Variants in PTPRM observed in about 807,000 individuals in gnomAD.
PTPRM encodes protein tyrosine phosphatase receptor type M.
A neutral mutation model predicts 186.7 loss-of-function variants in PTPRM; 47 were observed. The ratio of observed to expected loss-of-function variants is 0.25; its 90% CI spans 0.20 to 0.32. PTPRM has a LOEUF of 0.32. Ranked by LOEUF, PTPRM falls within the 10% of genes least tolerant of loss-of-function variation. The probability of loss-of-function intolerance (pLI) is 1.00; values close to 1 mark genes in which losing one functional copy is unlikely to be tolerated. For synonymous variants in PTPRM, 668 were observed against 674.9 expected (o/e 0.99, Z 0.16); for missense variants, 1,494 against 1,865.0 (o/e 0.80, Z 3.66).
intron 25 of PTPRM, 115 bp from the exon 26 acceptor site, chr18:8,376,347 C>A: frequency 6.4e-7 from 1 of 1,554,842 alleles, no homozygotes; most frequent in Non-Finnish European, 8.8e-7. Flanking sequence ...TGGAGTGTAC[C>A]TTTTAAGAGG....
intron 7 of PTPRM, among the ~76,000 whole-genome samples, chr18:8,011,980 A>G (rs766608258): frequency 1.6e-4 from 25 of 152,332 alleles, no homozygotes; most frequent in Admixed American, 1.3e-3. Context: ...TCCTTCTCAT[A>G]GTTCATCCCT....
Position 8,264,491 on chromosome 18 carries a change from C to T in PTPRM, c.2754+11077C>T, listed in dbSNP as rs1413198038. 3.3e-5 allele frequency among the ~76,000 whole-genome samples: 5 copies of T among 152,210 alleles called. No homozygotes were observed. The East Asian group carries it at 9.7e-4, about 29-fold the overall frequency. ...GGCACTGTACAAAGAACACACCAGG[C>T]CGGGCGTGGTGGCTCACTCCTGTAA... On this transcript the variant is annotated intron_variant, in intron 19 of 32. Coordinates refer to ENST00000580170, the MANE Select transcript of PTPRM (RefSeq NM_001105244.2).
chr18:7,963,328 T>G (rs114448321), intron 7 of PTPRM, among the ~76,000 whole-genome samples: 1 of 152,222 alleles, frequency 6.6e-6, no homozygotes, highest in African/African-American at 2.4e-5. Flanking sequence ...TTCAGCACTT[T>G]CCCTGTGCTT....
chr18:8,218,364 A>C (rs561207821), intron 14 of PTPRM, among the ~76,000 whole-genome samples: 1 of 146,264 alleles, frequency 6.8e-6, no homozygotes, highest in Admixed American at 6.8e-5. Flanking sequence ...ACAAATTTAG[A>C]AGAACGGTTA....
intron 7 of PTPRM, among the ~76,000 whole-genome samples, chr18:8,056,726 A>C (rs2148318669): frequency 6.7e-6 from 1 of 150,356 alleles, no homozygotes; most frequent in South Asian, 2.1e-4. Flanking sequence ...ATAGGCCCAT[A>C]GCCTTGAAAT....
chr18:7,790,972 A>G (rs1462050356), intron 2 of PTPRM, among the ~76,000 whole-genome samples: 2 of 151,990 alleles, frequency 1.3e-5, no homozygotes, highest in East Asian at 3.9e-4. Flanking sequence ...ACAAATTGTG[A>G]TAAAAGGCAT....
chr18:7,716,599 A>G (rs1395572570), intron 1 of PTPRM, among the ~76,000 whole-genome samples: 4 of 152,238 alleles, frequency 2.6e-5, no homozygotes, highest in Non-Finnish European at 4.4e-5. Flanking sequence ...ACAAAGGGCT[A>G]ATATCTAGAA....
At chr18:7,692,770 C>T (rs968733058) in intron 1 of PTPRM, among the ~76,000 whole-genome samples, 2 of 152,164 alleles carry the variant, frequency 1.3e-5, no homozygotes, top group Non-Finnish European at 2.9e-5. Context: ...ACCTCGTGTC[C>T]ACCACAATGT....
At chr18:8,235,868 A>G (rs901735131) in intron 14 of PTPRM, among the ~76,000 whole-genome samples, 3 of 152,040 alleles carry the variant, frequency 2.0e-5, no homozygotes, top group African/African-American at 2.4e-5. Context: ...TCTTCCAAGT[A>G]TTAGGGATTT....
chr18:7,939,466 A>T (rs796979938), intron 5 of PTPRM, among the ~76,000 whole-genome samples: 3 of 152,322 alleles, frequency 2.0e-5, no homozygotes, highest in Admixed American at 6.5e-5. Context: ...GAAGTCCTAG[A>T]GTTAGTCCAT....
intron 2 of PTPRM, among the ~76,000 whole-genome samples, chr18:7,785,460 C>T (rs886913912): frequency 5.9e-5 from 9 of 151,838 alleles, no homozygotes; most frequent in Admixed American, 1.3e-4. Context: ...AGAGAGCGCG[C>T]ATGTGTGCAG....
intron 14 of PTPRM, among the ~76,000 whole-genome samples, chr18:8,145,499 G>A: frequency 6.6e-6 from 1 of 152,006 alleles, no homozygotes; most frequent in Non-Finnish European, 1.5e-5. Context: ...CAGGCCCCAG[G>A]GTGTGATGTT....
chr18:7,614,996 A>G (rs909425809), intron 1 of PTPRM, among the ~76,000 whole-genome samples: 2 of 152,182 alleles, frequency 1.3e-5, no homozygotes, highest in African/African-American at 4.8e-5. Flanking sequence ...TCCATCCCCT[A>G]GCCAACACAC....
intron 7 of PTPRM, among the ~76,000 whole-genome samples, chr18:8,028,224 A>G (rs1213268153): frequency 2.6e-5 from 4 of 152,092 alleles, no homozygotes; most frequent in Non-Finnish European, 1.5e-5. Context: ...CTGGTCTGGA[A>G]CTCCTGGCCA....
intron 2 of PTPRM, among the ~76,000 whole-genome samples, chr18:7,829,667 A>G (rs980207542): frequency 6.6e-6 from 1 of 152,214 alleles, no homozygotes; most frequent in Non-Finnish European, 1.5e-5. Context: ...TTCTTAGTAT[A>G]TGTGAGGCTT....
At chr18:8,367,100 C>T (rs989481082) in intron 23 of PTPRM, 7 of 152,106 alleles carry the variant, frequency 4.6e-5, no homozygotes, top group African/African-American at 1.7e-4. Context: ...GCAGAGAGAA[C>T]GAAGCATATT....
At chr18:8,206,994 G>T (rs1337757899) in intron 14 of PTPRM, among the ~76,000 whole-genome samples, 1 of 152,166 alleles carries the variant, frequency 6.6e-6, no homozygotes, top group Non-Finnish European at 1.5e-5. Context: ...GAACAAGGAA[G>T]GGTCCTTCCT....
intron 2 of PTPRM, among the ~76,000 whole-genome samples, chr18:7,818,682 G>A (rs1462735498): frequency 1.3e-5 from 2 of 152,216 alleles, no homozygotes; most frequent in Non-Finnish European, 2.9e-5. Context: ...CCTGCTCACA[G>A]AGTTGTGGTT....
intron 1 of PTPRM, among the ~76,000 whole-genome samples, chr18:7,611,081 A>G (rs1333951679): frequency 6.6e-6 from 1 of 152,166 alleles, no homozygotes; most frequent in Non-Finnish European, 1.5e-5. Context: ...AAAAAGAAAA[A>G]CATATATAAA....
Sources: allele counts gnomAD v4.1 joint callset (sites outside exome capture counted in the v4.1 genomes callset), GRCh38; gene constraint gnomAD v4.1.1; transcripts MANE v1.5; gene names NCBI Gene and HGNC (gene_info 2026-07-23, HGNC 2026-07-21).